Variants in PRKCA observed in about 807,000 individuals in gnomAD.
PRKCA encodes the protein protein kinase C alpha type.
Under a neutral mutation model 87.0 loss-of-function variants are expected in PRKCA, and 27 were observed. The ratio of observed to expected loss-of-function variants is 0.31; its 90% CI spans 0.23 to 0.43. The LOEUF (loss-of-function observed/expected upper bound fraction) is 0.43, where lower values mean the gene tolerates loss of function less well. Ranked by LOEUF, PRKCA falls within the 20% of genes least tolerant of loss-of-function variation. The pLI is 1.00. For missense variants in PRKCA, 518 were observed against 852.3 expected, an observed-to-expected ratio of 0.61 and a Z score of 4.88; for synonymous variants, 329 against 311.1, an observed-to-expected ratio of 1.06 and a Z score of -0.61.
At chr17:66,369,225 G>A (rs1005775474) in intron 2 of PRKCA, among the ~76,000 whole-genome samples, 1 of 152,192 alleles carries the variant, frequency 6.6e-6, no homozygotes, top group Non-Finnish European at 1.5e-5. Context: ...CTATTGCAGA[G>A]CCTCCAAGAT....
chr17:66,449,635 C>T (rs1914210681), intron 2 of PRKCA, among the ~76,000 whole-genome samples: 2 of 152,164 alleles, frequency 1.3e-5, no homozygotes, highest in Admixed American at 6.5e-5. Flanking sequence ...GCCCCTGTGT[C>T]TGAAGCTGTT....
intron 2 of PRKCA, among the ~76,000 whole-genome samples, chr17:66,463,310 A>G (rs1914938428): frequency 6.6e-6 from 1 of 152,080 alleles, no homozygotes; most frequent in Non-Finnish European, 1.5e-5. Context: ...GAACTACACG[A>G]GTTAACTGAG....
At chr17:66,761,910 G>C (rs938187788) in intron 13 of PRKCA, among the ~76,000 whole-genome samples, 1 of 152,092 alleles carries the variant, frequency 6.6e-6, no homozygotes, top group Non-Finnish European at 1.5e-5. Context: ...TGTACAGTCA[G>C]CCATACTCAG....
intron 5 of PRKCA, among the ~76,000 whole-genome samples, chr17:66,675,469 T>C (rs1458314347): frequency 6.6e-6 from 1 of 152,228 alleles, no homozygotes; most frequent in Non-Finnish European, 1.5e-5. Flanking sequence ...GGAAGGCTGC[T>C]GTCCCTTTGC....
chr17:66,475,370 C>G (rs944849817), intron 2 of PRKCA, among the ~76,000 whole-genome samples: 4 of 152,020 alleles, frequency 2.6e-5, no homozygotes, highest in Admixed American at 2.0e-4. Context: ...GTTAAAATGC[C>G]TCAGTCTTTT....
intron 2 of PRKCA, among the ~76,000 whole-genome samples, chr17:66,353,466 A>G (rs1164529066): frequency 6.6e-6 from 1 of 152,192 alleles, no homozygotes; most frequent in Non-Finnish European, 1.5e-5. Flanking sequence ...CTGTAATCCC[A>G]GCACTTTGGG....
At chr17:66,381,995 C>G (rs1483514020) in intron 2 of PRKCA, among the ~76,000 whole-genome samples, 3 of 152,300 alleles carry the variant, frequency 2.0e-5, no homozygotes, top group Admixed American at 6.5e-5. Flanking sequence ...CAGCAAAATA[C>G]TAAATGTTGT....
intron 3 of PRKCA, among the ~76,000 whole-genome samples, chr17:66,525,833 T>G (rs992003156): frequency 6.6e-6 from 1 of 152,218 alleles, no homozygotes. Flanking sequence ...CTCTTCTTCC[T>G]GTCTTCCAAA....
intron 5 of PRKCA, among the ~76,000 whole-genome samples, chr17:66,662,725 A>C (rs16959898): frequency 0.099 from 14,965 of 151,628 alleles, 792 homozygotes; most frequent in Middle Eastern, 0.18. Flanking sequence ...TAGGCCTGGC[A>C]TCATACCTGT....
intron 2 of PRKCA, among the ~76,000 whole-genome samples, chr17:66,321,443 G>T (rs1030003323): frequency 6.6e-6 from 1 of 152,190 alleles, no homozygotes; most frequent in Non-Finnish European, 1.5e-5. Flanking sequence ...CAAGTGCCAA[G>T]GACAGTTTCC....
At chr17:66,401,662 T>C (rs1184755757) in intron 2 of PRKCA, among the ~76,000 whole-genome samples, 1 of 151,964 alleles carries the variant, frequency 6.6e-6, no homozygotes, top group Admixed American at 6.6e-5. Flanking sequence ...AGGGCAGTGG[T>C]AGTAAGAATG....
intron 2 of PRKCA, among the ~76,000 whole-genome samples, chr17:66,334,326 ATC>A (rs1486284695): frequency 4.6e-5 from 7 of 152,174 alleles, no homozygotes; most frequent in African/African-American, 1.2e-4. Context: ...TGATCAAGTC[ATC>A]TCTGTTAATC....
At chr17:66,336,989 C>T (rs1906737646) in intron 2 of PRKCA, among the ~76,000 whole-genome samples, 1 of 152,086 alleles carries the variant, frequency 6.6e-6, no homozygotes. Flanking sequence ...TGGGGTTTCA[C>T]CATGTTGACC....
intron 13 of PRKCA, among the ~76,000 whole-genome samples, chr17:66,750,447 G>A (rs763993242): frequency 1.3e-5 from 2 of 152,092 alleles, no homozygotes; most frequent in African/African-American, 2.4e-5. Context: ...TAAGTTGTGC[G>A]ATTCTCAGAT....
rs1976030122 is a variant in PRKCA at position 66,806,320 on chromosome 17, G to C, written c.*2283G>C. The C allele has an allele frequency of 6.6e-6, 1 of 152,342 alleles. No individual in the cohort carries two copies. Among genetic ancestry groups the C allele is most frequent in the South Asian group, 2.1e-4 (1 of 4,832 alleles). The allele number at this position is 152,342 out of a possible 1,614,324, so 9.4% of individuals were successfully genotyped here. On this transcript the variant is annotated 3_prime_UTR_variant, in exon 17 of 17. Coordinates refer to ENST00000413366, the MANE Select transcript of PRKCA (RefSeq NM_002737.3). ...TGGTCCTGGCAACCCTGAGTAGAAG[G>C]AGAGACGGGGTAGGGAACGGGCCCG...
At chr17:66,612,358 G>A (rs573937579) in intron 3 of PRKCA, among the ~76,000 whole-genome samples, 13 of 127,300 alleles carry the variant, frequency 1.0e-4, no homozygotes, top group Non-Finnish European at 1.6e-4. Context: ...TCCAGCCTGG[G>A]CAACAAGAGC....
chr17:66,605,164 A>G (rs535810149), intron 3 of PRKCA, among the ~76,000 whole-genome samples: 1 of 152,320 alleles, frequency 6.6e-6, no homozygotes, highest in South Asian at 2.1e-4. Flanking sequence ...CATGGGGCCA[A>G]TGTATTGCAG....
intron 3 of PRKCA, among the ~76,000 whole-genome samples, chr17:66,532,944 C>T (rs930976381): frequency 1.3e-4 from 20 of 152,294 alleles, no homozygotes; most frequent in African/African-American, 4.6e-4. Flanking sequence ...TTTCTTAGCA[C>T]AAAACAGACA....
rs1192080208 is a variant in PRKCA, at chr17:66,791,005, TA to T, written c.1854+2029del. ...ACTGTTTGCTGGTTTTTTTTTTTTT[TA>T]AATTATTATACTTTAAGTTGTAGGG... On this transcript the variant is annotated intron_variant, in intron 16 of 16. Coordinates refer to ENST00000413366, the MANE Select transcript of PRKCA (RefSeq NM_002737.3). 2.6e-3 allele frequency among the ~76,000 whole-genome samples: 391 copies of T among 148,938 alleles called. 2 individuals are homozygous for T. The highest frequency in any genetic ancestry group is 7.9e-3 in the African/African-American group (310 of 39,452).
Sources: allele counts gnomAD v4.1 joint callset (sites outside exome capture counted in the v4.1 genomes callset), GRCh38; gene constraint gnomAD v4.1.1; transcripts MANE v1.5; gene names NCBI Gene and HGNC (gene_info 2026-07-23, HGNC 2026-07-21).